The following STUB1 variants were observed in gnomAD, a reference collection of about 807,000 sequenced individuals.
The protein encoded by STUB1 is E3 ubiquitin-protein ligase CHIP.
STUB1 carries 37 observed loss-of-function variants against 40.3 expected under a neutral mutation model. The ratio of observed to expected loss-of-function variants is 0.92; its 90% CI spans 0.71 to 1.21. The LOEUF (loss-of-function observed/expected upper bound fraction) is 1.21. STUB1 is among the 50% of genes most tolerant of loss of function. STUB1 has a pLI of 0.00. For synonymous variants in STUB1, 246 were observed against 171.9 expected (o/e 1.43, Z -3.37); for missense variants, 460 against 421.9 (o/e 1.09, Z -0.79).
chr16:682,261 G>A lies in STUB1; in HGVS notation c.766G>A (p.Asp256Asn). 1.9e-6 allele frequency: 3 copies of A among 1,608,854 alleles called. No homozygotes were observed. The highest frequency in any genetic ancestry group is 2.2e-5 in the East Asian group (1 of 44,608). The change falls in exon 6 of 7, where the codon GAC (aspartate) becomes AAC (asparagine). Residue 256 changes from aspartate (D) to asparagine (N), a missense_variant. Asp to Asn is a conservative substitution (Grantham distance 23, BLOSUM62 1). Coordinates refer to ENST00000219548, the MANE Select transcript of STUB1 (RefSeq NM_005861.4). The part of the protein sequence containing the change: ...TPSGITYDRK[D>N]IEEHLQRVGH... ...CAGTGGCATCACCTACGACCGCAAG[G>A]ACATCGAGGAGCACCTGCAGGTGAG... is the stretch of plus-strand genomic sequence containing the variant.
rs559782820 is a variant in STUB1 at position 682,054 on chromosome 16, C to G, written c.647C>G (p.Ser216Cys). 1 of 1,585,692 alleles carries G rather than the reference C, an allele frequency of 6.3e-7. No individual in the cohort carries two copies. Among genetic ancestry groups the G allele is most frequent in the Non-Finnish European group, 8.6e-7 (1 of 1,160,326 alleles). Residue 216 changes from serine (S) to cysteine (C), a missense_variant, in exon 5 of 7, where the codon TCT becomes TGT. Ser to Cys is a moderately radical substitution (Grantham distance 112, BLOSUM62 -1). Transcript: ENST00000219548. ...ATGGCGGACATGGACGAGCTTTTTT[C>G]TCAGGTGGATGAGAAGAGGAAGGTG... ...KYMADMDELF[S>C]QVDEKRKKRD...
rs1346470010 is a variant in STUB1 at position 682,020 on chromosome 16, G to C, written c.613G>C (p.Asp205His). Residue 205 changes from aspartate to histidine, a missense_variant and splice_region_variant, in exon 5 of 7, where the codon GAC (aspartate) becomes CAC (histidine). Coordinates refer to ENST00000219548, the MANE Select transcript of STUB1 (RefSeq NM_005861.4). ...AQQACIEAKH[D>H]KYMADMDELF... is the part of the protein sequence containing the mutation. ...AAGCACAGCACTCAACTCTTCACAGGACAAGTACATGGCGGACATGGACGA... is the reference window on the plus strand; with the variant it reads ...AAGCACAGCACTCAACTCTTCACAGCACAAGTACATGGCGGACATGGACGA... The C allele has an allele frequency of 6.2e-7, 1 of 1,603,682 alleles. No individual in the cohort carries two copies.
In STUB1 at chr16:680,560, G is replaced by T; in HGVS notation, c.35G>T (p.Arg12Leu). The T allele has an allele frequency of 7.3e-7, 1 of 1,368,734 alleles. No homozygotes were observed. The highest frequency in any genetic ancestry group is 9.5e-7 in the Non-Finnish European group (1 of 1,051,142). 84.8% of individuals were successfully genotyped at this position (1,368,734 alleles called of 1,614,324 possible). Residue 12 changes from arginine to leucine, a missense_variant, in exon 1 of 7, where the codon CGG (arginine) becomes CTG (leucine). Coordinates refer to ENST00000219548, the MANE Select transcript of STUB1 (RefSeq NM_005861.4). This position sits in a 1 kb window ranked among gnomAD's most constrained non-coding sequence, Gnocchi z 4.9. Reference protein sequence around the residue: ...KGKEEKEGGARLGAGGGSPEK... With the variant: ...KGKEEKEGGALLGAGGGSPEK... ...AAGGAGGAGAAGGAGGGCGGCGCAC[G>T]GCTGGGCGCTGGCGGCGGAAGCCCC...
rs2039724370 is a variant in STUB1, at chr16:682,717, C to G, written c.*228C>G. 1 of 1,536,660 alleles carries G rather than the reference C, an allele frequency of 6.5e-7. No individual in the cohort carries two copies. Among genetic ancestry groups the G allele is most frequent in the African/African-American group, 1.4e-5 (1 of 73,574 alleles). ...GGCTGGGCTGAGGCCATTGCCGCCA[C>G]TATCTGTGTAATAAAATCCGTGAGC... On this transcript the variant is annotated 3_prime_UTR_variant, in exon 7 of 7. Transcript: ENST00000219548.
Position 681,812 on chromosome 16 carries a change from C to A in STUB1, c.544C>A (p.Arg182=). The change falls in exon 4 of 7, where the codon CGA becomes AGA. Residue 182 remains arginine (R), a synonymous_variant. Transcript: ENST00000219548. Reference sequence around the variant, plus strand: ...CCCCAGGGAGCTGGAAGAGTGCCAGCGAAACCACGAGGGTGATGAGGACGA... The same window carrying A: ...CCCCAGGGAGCTGGAAGAGTGCCAGAGAAACCACGAGGGTGATGAGGACGA... The part of the protein sequence containing the change: ...ERERELEECQ[R]NHEGDEDDSH... The A allele has an allele frequency of 6.2e-7, 1 of 1,602,616 alleles. No homozygotes were observed. The highest frequency in any genetic ancestry group is 1.1e-5 in the South Asian group (1 of 90,408).
rs770194119 is a variant in STUB1, at chr16:681,417, C to G, written c.359-21C>G. 9.9e-6 allele frequency: 16 copies of G among 1,609,516 alleles called. No individual in the cohort carries two copies. The highest frequency in any genetic ancestry group is 1.3e-5 in the African/African-American group (1 of 74,914). On this transcript the variant is annotated intron_variant, in intron 2 of 6. Transcript: ENST00000219548. ...GGCGGGTGGACTGGCCAGAGAGTGACGTGAAGCCCCCGTTCCCCAGCTTAC... is the reference window on the plus strand; with the variant it reads ...GGCGGGTGGACTGGCCAGAGAGTGAGGTGAAGCCCCCGTTCCCCAGCTTAC...
chr16:682,471 C>G lies in STUB1; in HGVS notation c.894C>G (p.Gly298=), dbSNP rs369998074. The part of the protein sequence containing the change: ...EVIDAFISEN[G]WVEDY ...TTGACGCATTCATCTCTGAGAATGG[C>G]TGGGTGGAGGACTACTGAGGTTCCC... is the stretch of plus-strand genomic sequence containing the variant. Residue 298 remains glycine (G), a synonymous_variant, in exon 7 of 7, where the codon GGC becomes GGG. Transcript: ENST00000219548. 2 of 1,613,266 alleles carry G rather than the reference C, an allele frequency of 1.2e-6. No individual in the cohort carries two copies. Among genetic ancestry groups the G allele is most frequent in the Non-Finnish European group, 1.7e-6 (2 of 1,180,020 alleles).
intron 1 of STUB1, 131 bp from the exon 2 acceptor site, chr16:681,021 C>A: frequency 1.1e-6 from 1 of 940,094 alleles, no homozygotes; most frequent in Non-Finnish European, 1.6e-6. Context: ...TCCTTGGACC[C>A]AGGGGCTTTG....
chr16:681,627 C>T (rs1355821392), intron 3 of STUB1, 24 bp downstream of exon 3: 5 of 1,594,884 alleles, frequency 3.1e-6, no homozygotes, highest in Non-Finnish European at 4.3e-6. Context: ...CCCAGGCCGC[C>T]CTGTCTTGGG....
Position 681,180 on chromosome 16 carries a change from A to T in STUB1, c.188A>T (p.Tyr63Phe). Residue 63 changes from tyrosine (Y) to phenylalanine (F), a missense_variant, in exon 2 of 7, where the codon TAC becomes TTC. Transcript: ENST00000219548. The stretch of plus-strand genomic sequence containing the variant: ...CGGAACCCGCTGGTGGCCGTGTATT[A>T]CACCAACCGGGCCTTGTGCTACCTG... ...ITRNPLVAVY[Y>F]TNRALCYLKM... The T allele has an allele frequency of 6.3e-7, 1 of 1,583,014 alleles. No individual in the cohort carries two copies. Among genetic ancestry groups the T allele is most frequent in the Non-Finnish European group, 8.6e-7 (1 of 1,165,504 alleles).
rs1248621307 is a variant in STUB1 at position 681,244 on chromosome 16, G to C, written c.252G>C (p.Arg84=). Residue 84 remains arginine (R), a synonymous_variant, in exon 2 of 7, where the codon CGG becomes CGC. Coordinates refer to ENST00000219548, the MANE Select transcript of STUB1 (RefSeq NM_005861.4). ...QQHEQALADC[R]RALELDGQSV... is the part of the protein sequence containing the mutation. ...ACGAGCAGGCCCTGGCCGACTGCCGGCGCGCCCTGGAGCTGGACGGGCAGT... is the reference window on the plus strand; with the variant it reads ...ACGAGCAGGCCCTGGCCGACTGCCGCCGCGCCCTGGAGCTGGACGGGCAGT... The C allele has an allele frequency of 1.2e-6, 2 of 1,612,536 alleles. No individual in the cohort carries two copies. The highest frequency in any genetic ancestry group is 1.7e-6 in the Non-Finnish European group (2 of 1,179,854).
At chr16:681,962 C>T (rs776259491) in intron 4 of STUB1, 58 bp from the exon 5 acceptor site, 3 of 1,611,988 alleles carry the variant, frequency 1.9e-6, no homozygotes, top group African/African-American at 1.3e-5. Context: ...TGGGTCTGTG[C>T]CCCATGGAGG....
chr16:681,950 G>A, intron 4 of STUB1, 70 bp downstream of exon 4: 1 of 1,612,820 alleles, frequency 6.2e-7, no homozygotes, highest in Non-Finnish European at 8.5e-7. Context: ...CCCGCCTTGT[G>A]TTGGGTCTGT....
rs1335503026 is a variant in STUB1, at chr16:682,417, C to T, written c.840C>T (p.Leu280=). ...GGAGCCCCCTGACCCAGGAACAGCTCATCCCCAACTTGGCTATGAAGGAGG... is the reference window on the plus strand; with the variant it reads ...GGAGCCCCCTGACCCAGGAACAGCTTATCCCCAACTTGGCTATGAAGGAGG... ...VTRSPLTQEQ[L]IPNLAMKEVI... The change falls in exon 7 of 7, where the codon CTC becomes CTT. Residue 280 remains leucine, a synonymous_variant. Transcript: ENST00000219548. 3 of 1,613,432 alleles carry T rather than the reference C, an allele frequency of 1.9e-6. No individual in the cohort carries two copies. The highest frequency in any genetic ancestry group is 2.5e-6 in the Non-Finnish European group (3 of 1,180,010).
chr16:681,665 C>A, intron 3 of STUB1, 62 bp downstream of exon 3: 1 of 1,568,396 alleles, frequency 6.4e-7, no homozygotes, highest in South Asian at 1.2e-5. Flanking sequence ...ACTCCCGACA[C>A]AAGCGTTTAT....
chr16:680,556 G>A lies in STUB1; in HGVS notation c.31G>A (p.Ala11Thr), dbSNP rs777501465. 4.6e-5 allele frequency: 63 copies of A among 1,360,064 alleles called. No homozygotes were observed. Among genetic ancestry groups the A allele is most frequent in the Non-Finnish European group, 5.9e-5 (62 of 1,046,870 alleles). The allele number at this position is 1,360,064 out of a possible 1,614,324, so 84.2% of individuals were successfully genotyped here. A position where few individuals can be genotyped will look rare whatever the true frequency, so the allele number is the denominator to read the frequency against. The change falls in exon 1 of 7, where the codon GCA becomes ACA. Residue 11 changes from alanine (A) to threonine (T), a missense_variant. Physicochemically the swap from Ala to Thr is moderately conservative, Grantham distance 58. Coordinates refer to ENST00000219548, the MANE Select transcript of STUB1 (RefSeq NM_005861.4). The surrounding 1 kb of genome is among the most constrained non-coding windows in gnomAD (Gnocchi z 4.9). Reference sequence around the variant, plus strand: ...GGGCAAGGAGGAGAAGGAGGGCGGCGCACGGCTGGGCGCTGGCGGCGGAAG... The same window carrying A: ...GGGCAAGGAGGAGAAGGAGGGCGGCACACGGCTGGGCGCTGGCGGCGGAAG... MKGKEEKEGGARLGAGGGSPE... is the reference protein window; with the variant it reads MKGKEEKEGGTRLGAGGGSPE...
In STUB1 at chr16:681,319, C is replaced by T. The variant is rs2039648145; in HGVS notation, c.327C>T (p.Ser109=). ...FLGQCQLEME[S]YDEAIANLQR... is the part of the protein sequence containing the mutation. ...GGCAGTGCCAGCTGGAGATGGAGAG[C>T]TATGATGAGGCCATCGCCAATCTGC... is the stretch of plus-strand genomic sequence containing the variant. Residue 109 remains serine (S), a synonymous_variant, in exon 2 of 7, where the codon AGC becomes AGT. Transcript: ENST00000219548. The T allele has an allele frequency of 6.2e-7, 1 of 1,612,784 alleles. No homozygotes were observed. Among genetic ancestry groups the T allele is most frequent in the South Asian group, 1.1e-5 (1 of 91,092 alleles).
Position 681,317 on chromosome 16 carries a change from A to C in STUB1, c.325A>C (p.Ser109Arg). The part of the protein sequence containing the change: ...FLGQCQLEME[S>R]YDEAIANLQR... ...GGGGCAGTGCCAGCTGGAGATGGAG[A>C]GCTATGATGAGGCCATCGCCAATCT... The change falls in exon 2 of 7, where the codon AGC (serine) becomes CGC (arginine). Residue 109 changes from serine (S) to arginine (R), a missense_variant. Transcript: ENST00000219548. 6.2e-7 allele frequency: 1 copy of C among 1,612,846 alleles called. No homozygotes were observed. The highest frequency in any genetic ancestry group is 8.5e-7 in the Non-Finnish European group (1 of 1,179,966).
rs1364828386 is a variant in STUB1 at position 680,880 on chromosome 16, G to C, written c.159+196G>C. The C allele has an allele frequency of 1.7e-6, 1 of 588,394 alleles. No individual in the cohort carries two copies. Among genetic ancestry groups the C allele is most frequent in the East Asian group, 3.4e-5 (1 of 29,536 alleles). 36.4% of individuals were successfully genotyped at this position (588,394 alleles called of 1,614,324 possible). On this transcript the variant is annotated intron_variant, in intron 1 of 6. Transcript: ENST00000219548. This position sits in a 1 kb window ranked among gnomAD's most constrained non-coding sequence, Gnocchi z 4.9. ...TGCTGGATGGAGGCCGGCCGGGTGGGGGGAGGGCAGGGGCCCTCGACCCTT... is the reference window on the plus strand; with the variant it reads ...TGCTGGATGGAGGCCGGCCGGGTGGCGGGAGGGCAGGGGCCCTCGACCCTT...
Sources: allele counts gnomAD v4.1 joint callset, GRCh38; gene constraint gnomAD v4.1.1; non-coding constraint Gnocchi (gnomAD v3.1); transcripts MANE v1.5; gene names NCBI Gene and HGNC (gene_info 2026-07-23, HGNC 2026-07-21).